The following FRMD3 variants were observed in gnomAD, a reference collection of about 807,000 sequenced individuals.
FRMD3 encodes FERM domain containing 3.
Under a neutral mutation model 70.2 loss-of-function variants are expected in FRMD3, and 33 were observed. The ratio of observed to expected loss-of-function variants is 0.47; its 90% CI spans 0.36 to 0.63. The LOEUF (loss-of-function observed/expected upper bound fraction) is 0.63. FRMD3 is among the 20% of genes least tolerant of loss of function. The probability of loss-of-function intolerance (pLI) is 0.00; values close to 1 mark genes in which losing one functional copy is unlikely to be tolerated. For synonymous variants in FRMD3, 279 were observed against 255.9 expected (o/e 1.09, Z -0.86); for missense variants, 632 against 711.4 (o/e 0.89, Z 1.27).
At chr9:83,429,906 G>A (rs72745071) in intron 1 of FRMD3, among the ~76,000 whole-genome samples, 12,752 of 151,886 alleles carry the variant, frequency 0.084, 616 homozygotes, top group South Asian at 0.2. Context: ...AACCCTTCAC[G>A]CATAAGTCAG....
intron 2 of FRMD3, among the ~76,000 whole-genome samples, chr9:83,374,678 C>A (rs1825087696): frequency 6.6e-6 from 1 of 152,108 alleles, no homozygotes; most frequent in South Asian, 2.1e-4. Context: ...AAAAAGTTAA[C>A]AAATGTAATA....
chr9:83,317,853 C>A (rs532578996), intron 6 of FRMD3, among the ~76,000 whole-genome samples: 16 of 152,088 alleles, frequency 1.1e-4, no homozygotes, highest in Admixed American at 3.9e-4. Context: ...TGGAAAAAGG[C>A]AAGCTACAGT....
chr9:83,272,678 C>G (rs1213406627), intron 13 of FRMD3, among the ~76,000 whole-genome samples: 1 of 140,782 alleles, frequency 7.1e-6, no homozygotes, highest in Admixed American at 7.0e-5. Flanking sequence ...GCCCGGCTGC[C>G]CAGTCTGGGA....
chr9:83,398,152 A>G (rs1402500299), intron 1 of FRMD3, among the ~76,000 whole-genome samples: 1 of 152,222 alleles, frequency 6.6e-6, no homozygotes, highest in East Asian at 1.9e-4. Flanking sequence ...GTGTAAATTC[A>G]CACATTTTGT....
chr9:83,422,311 C>G (rs561511079), intron 1 of FRMD3, among the ~76,000 whole-genome samples: 48 of 152,226 alleles, frequency 3.2e-4, no homozygotes, highest in African/African-American at 8.7e-4. Flanking sequence ...AAGTTCCTAA[C>G]CTGACTCTTC....
At chr9:83,352,084 G>A (rs1319627092) in intron 3 of FRMD3, among the ~76,000 whole-genome samples, 1 of 152,118 alleles carries the variant, frequency 6.6e-6, no homozygotes, top group African/African-American at 2.4e-5. Context: ...ATACACCAGA[G>A]TGTACTCAAT....
chr9:83,443,800 CTGT>C (rs1439882946), intron 1 of FRMD3, among the ~76,000 whole-genome samples: 1 of 152,168 alleles, frequency 6.6e-6, no homozygotes, highest in African/African-American at 2.4e-5. Context: ...TCTCCAGCAC[CTGT>C]TGTTTCCTGA....
Position 83,331,761 on chromosome 9 carries a change from A to G in FRMD3, c.596+3755T>C, listed in dbSNP as rs74535601. 745 of 686,454 alleles carry G rather than the reference A, an allele frequency of 1.1e-3. 7 individuals carry two copies. In the African/African-American group the frequency reaches 0.012, roughly 11 times the overall value. 42.5% of individuals were successfully genotyped at this position (686,454 alleles called of 1,614,324 possible). A position where few individuals can be genotyped will look rare whatever the true frequency, so the allele number is the denominator to read the frequency against. ...CCTAAACATCTCTTTTAAAAAATAA[A>G]GTCTATTAAAAAAAGAAAAACAACT... On this transcript the variant is annotated intron_variant, in intron 6 of 13. Coordinates refer to ENST00000304195, the MANE Select transcript of FRMD3 (RefSeq NM_174938.6).
chr9:83,425,987 T>C (rs1372730315), intron 1 of FRMD3, among the ~76,000 whole-genome samples: 1 of 148,578 alleles, frequency 6.7e-6, no homozygotes, highest in African/African-American at 2.5e-5. Context: ...TTATTAAACC[T>C]CACAGGCTTA....
chr9:83,348,451 G>T (rs910338672), intron 4 of FRMD3, among the ~76,000 whole-genome samples: 2 of 152,152 alleles, frequency 1.3e-5, no homozygotes, highest in African/African-American at 4.8e-5. Flanking sequence ...GGTTGCCAGG[G>T]GCTTGGATGG....
At chr9:83,472,975 C>T (rs1828306015) in intron 1 of FRMD3, among the ~76,000 whole-genome samples, 1 of 152,174 alleles carries the variant, frequency 6.6e-6, no homozygotes, top group Non-Finnish European at 1.5e-5. Context: ...GCCACCAACC[C>T]TGCCACACTC....
At chr9:83,415,868 T>C (rs1265037802) in intron 1 of FRMD3, among the ~76,000 whole-genome samples, 2 of 152,174 alleles carry the variant, frequency 1.3e-5, no homozygotes. Flanking sequence ...CCAACCAAGA[T>C]AATGCCCTGC....
At chr9:83,338,186 T>C (rs1460883626) in intron 5 of FRMD3, among the ~76,000 whole-genome samples, 2 of 152,182 alleles carry the variant, frequency 1.3e-5, no homozygotes, top group African/African-American at 4.8e-5. Flanking sequence ...ATTAGAGATA[T>C]GCAAACCAAA....
chr9:83,403,395 A>G (rs576881916), intron 1 of FRMD3, among the ~76,000 whole-genome samples: 3 of 152,312 alleles, frequency 2.0e-5, no homozygotes, highest in African/African-American at 7.2e-5. Flanking sequence ...TCGAACACGC[A>G]TGTGTGCTTG....
intron 1 of FRMD3, among the ~76,000 whole-genome samples, chr9:83,410,342 T>C (rs1826244041): frequency 1.3e-5 from 2 of 152,132 alleles, no homozygotes; most frequent in South Asian, 4.2e-4. Flanking sequence ...ATTGTTGCCA[T>C]CATTCTGTCC....
At chr9:83,259,420 G>T (rs972853802) in intron 13 of FRMD3, among the ~76,000 whole-genome samples, 14 of 152,128 alleles carry the variant, frequency 9.2e-5, no homozygotes, top group South Asian at 2.1e-4. Flanking sequence ...CATGGCACAT[G>T]TCACCACCCT....
the FRMD3 span, among the ~76,000 whole-genome samples, chr9:83,563,455 T>A: frequency 6.6e-6 from 1 of 152,186 alleles, no homozygotes. Flanking sequence ...GCTCCAATGA[T>A]AAATGATGCT....
intron 3 of FRMD3, among the ~76,000 whole-genome samples, chr9:83,352,251 G>A (rs564660346): frequency 6.6e-6 from 1 of 152,252 alleles, no homozygotes; most frequent in East Asian, 1.9e-4. Flanking sequence ...GGATCAATAG[G>A]TATGGGAAAA....
intron 1 of FRMD3, among the ~76,000 whole-genome samples, chr9:83,403,583 T>A (rs1826015419): frequency 6.6e-6 from 1 of 152,060 alleles, no homozygotes. Context: ...CAGAATGTCT[T>A]CCACTTCATT....
Sources: gnomAD v4.1 joint callset for allele counts (sites outside exome capture counted in the v4.1 genomes callset) on GRCh38, gnomAD v4.1.1 for gene constraint, MANE v1.5 for transcripts, NCBI Gene and HGNC (gene_info 2026-07-23, HGNC 2026-07-21) for gene names.